MBNL1: variants seen among roughly 807,000 people sequenced by gnomAD.
MBNL1 encodes muscleblind like splicing regulator 1, also known as muscleblind-like protein 1.
In MBNL1, 8 loss-of-function variants were observed where a neutral mutation model predicts 42.2. The ratio of observed to expected loss-of-function variants is 0.19; its 90% CI spans 0.11 to 0.34. The LOEUF (loss-of-function observed/expected upper bound fraction) is 0.34. Ranked by LOEUF, MBNL1 falls within the 10% of genes least tolerant of loss-of-function variation. The pLI, the probability that MBNL1 is intolerant of heterozygous loss-of-function variation, is 1.00. For missense variants in MBNL1, 309 were observed against 495.3 expected (o/e 0.62, Z 3.57); for synonymous variants, 169 against 173.9 (o/e 0.97, Z 0.22).
At chr3:152,304,266 A>G (rs1023782112) in intron 2 of MBNL1, among the ~76,000 whole-genome samples, 2 of 152,162 alleles carry the variant, frequency 1.3e-5, no homozygotes, top group African/African-American at 4.8e-5. Context: ...GTAGTCCCAA[A>G]GGTGGTTATA....
rs570970846 is a variant in MBNL1 at position 152,338,370 on chromosome 3, G to A, written c.174+38003G>A. ...CAGAACCTTGGGTTCTGTGATGGCT[G>A]CCTCTAAACCCTTGTGAAAGCGGGG... On this transcript the variant is annotated intron_variant, in intron 2 of 9. Transcript: ENST00000324210. 10 of 985,390 alleles carry A rather than the reference G, an allele frequency of 1.0e-5. No homozygotes were observed. The African/African-American group carries it at 1.7e-4, about 17-fold the overall frequency. 61.0% of individuals were successfully genotyped at this position (985,390 alleles called of 1,614,324 possible).
chr3:152,412,809 G>C (rs2098616508), intron 2 of MBNL1, among the ~76,000 whole-genome samples: 1 of 152,044 alleles, frequency 6.6e-6, no homozygotes, highest in Non-Finnish European at 1.5e-5. Flanking sequence ...CATGGCCCAG[G>C]GCTATCTATC....
chr3:152,283,852 C>G (rs1344513950), intron 1 of MBNL1, among the ~76,000 whole-genome samples: 1 of 152,180 alleles, frequency 6.6e-6, no homozygotes, highest in Admixed American at 6.5e-5. Context: ...TCCTTTTTGT[C>G]TCTAACCAAA....
At chr3:152,438,500 G>T (rs1044976512) in intron 4 of MBNL1, among the ~76,000 whole-genome samples, 1 of 152,134 alleles carries the variant, frequency 6.6e-6, no homozygotes, top group African/African-American at 2.4e-5. Context: ...AAACATGTTT[G>T]CATTTTGAGC....
intron 4 of MBNL1, among the ~76,000 whole-genome samples, chr3:152,433,867 T>A (rs891598127): frequency 2.6e-5 from 4 of 152,216 alleles, no homozygotes; most frequent in African/African-American, 9.6e-5. Flanking sequence ...TAAATCTTAT[T>A]TCAAAGTGGT....
At chr3:152,361,889 T>C (rs970906144) in intron 2 of MBNL1, among the ~76,000 whole-genome samples, 2 of 152,322 alleles carry the variant, frequency 1.3e-5, no homozygotes, top group Non-Finnish European at 2.9e-5. Context: ...TACCTAAGAA[T>C]TTTATTTTCT....
intron 1 of MBNL1, among the ~76,000 whole-genome samples, chr3:152,278,003 T>C (rs2046300236): frequency 6.6e-6 from 1 of 152,118 alleles, no homozygotes; most frequent in African/African-American, 2.4e-5. Context: ...ATTACATGCC[T>C]TTTTCTATTA....
chr3:152,298,895 A>G (rs2059692122), intron 1 of MBNL1: 1 of 152,116 alleles, frequency 6.6e-6, no homozygotes, highest in Non-Finnish European at 1.5e-5. Flanking sequence ...CAATTTTTAA[A>G]CCTTGCTTTT....
At chr3:152,305,650 T>C (rs748512420) in intron 2 of MBNL1, among the ~76,000 whole-genome samples, 6 of 152,198 alleles carry the variant, frequency 3.9e-5, no homozygotes, top group Non-Finnish European at 8.8e-5. Flanking sequence ...ATGATAGTTA[T>C]TAGCATGTAG....
At chr3:152,410,193 T>C (rs2098533287) in intron 2 of MBNL1, among the ~76,000 whole-genome samples, 1 of 152,158 alleles carries the variant, frequency 6.6e-6, no homozygotes, top group Admixed American at 6.5e-5. Context: ...AAATGAATCA[T>C]ACATTTATTT....
intron 2 of MBNL1, 68 bp from the exon 3 acceptor site, chr3:152,414,873 A>G (rs1479379838): frequency 1.3e-6 from 2 of 1,522,442 alleles, no homozygotes; most frequent in Non-Finnish European, 1.8e-6. Flanking sequence ...GGTTTGCATT[A>G]TATTTTTTTC....
At chr3:152,273,060 C>CT (rs2042851268) in intron 1 of MBNL1, among the ~76,000 whole-genome samples, 2 of 152,102 alleles carry the variant, frequency 1.3e-5, no homozygotes, top group Admixed American at 1.3e-4. Flanking sequence ...CATCTTGAGT[C>CT]TGTCTTCCAC....
intron 2 of MBNL1, among the ~76,000 whole-genome samples, chr3:152,252,755 T>C (rs972880562): frequency 2.0e-5 from 3 of 152,134 alleles, no homozygotes; most frequent in Non-Finnish European, 4.4e-5. Flanking sequence ...ATGGGCATGT[T>C]ACGGAAAAAA....
intron 2 of MBNL1, among the ~76,000 whole-genome samples, chr3:152,256,270 A>C (rs1484132963): frequency 6.6e-6 from 1 of 152,134 alleles, no homozygotes; most frequent in African/African-American, 2.4e-5. Context: ...AAATTTGTAA[A>C]CTCAATGTTT....
intron 1 of MBNL1, among the ~76,000 whole-genome samples, chr3:152,277,053 T>C (rs922145545): frequency 2.6e-5 from 4 of 152,182 alleles, no homozygotes; most frequent in African/African-American, 7.2e-5. Flanking sequence ...TAAAAAACTT[T>C]TAATCAATCA....
chr3:152,300,325 A>G lies in MBNL1; in HGVS notation c.132A>G (p.Gln44=). Residue 44 remains glutamine, a synonymous_variant, in exon 2 of 10, where the codon CAA becomes CAG. Coordinates refer to ENST00000324210, the MANE Select transcript of MBNL1 (RefSeq NM_021038.5). ...CKFAHPSKSC[Q]VENGRVIACF... is the part of the protein sequence containing the mutation. ...TTGCACATCCTTCGAAAAGCTGCCA[A>G]GTTGAAAATGGACGAGTAATCGCCT... The G allele has an allele frequency of 1.2e-6, 2 of 1,614,158 alleles. No homozygotes were observed. Among genetic ancestry groups the G allele is most frequent in the Middle Eastern group, 1.6e-4 (1 of 6,062 alleles).
At chr3:152,444,664 C>T (rs543480328) in intron 4 of MBNL1, among the ~76,000 whole-genome samples, 2 of 152,316 alleles carry the variant, frequency 1.3e-5, no homozygotes, top group Non-Finnish European at 2.9e-5. Context: ...AACCAATCTA[C>T]AGACTTTAAT....
At chr3:152,318,012 C>T (rs59007564) in intron 2 of MBNL1, among the ~76,000 whole-genome samples, 25,110 of 152,088 alleles carry the variant, frequency 0.17, 2,260 homozygotes, top group East Asian at 0.26. Context: ...ACTGCAAGTA[C>T]TGTTGCTTTA....
At chr3:152,364,360 C>A (rs1452216701) in intron 2 of MBNL1, among the ~76,000 whole-genome samples, 1 of 151,938 alleles carries the variant, frequency 6.6e-6, no homozygotes, top group African/African-American at 2.4e-5. Flanking sequence ...AGACAATACA[C>A]CCTTTGTACT....
Sources: allele counts gnomAD v4.1 joint callset (sites outside exome capture counted in the v4.1 genomes callset), GRCh38; gene constraint gnomAD v4.1.1; transcripts MANE v1.5; gene names NCBI Gene and HGNC (gene_info 2026-07-23, HGNC 2026-07-21).